HIPK2: variants seen among roughly 807,000 people sequenced by gnomAD.
HIPK2 encodes the protein homeodomain interacting protein kinase 2, also known as homeodomain-interacting protein kinase 2.
A neutral mutation model predicts 113.7 loss-of-function variants in HIPK2; 27 were observed. The observed-to-expected ratio is 0.24, with a 90% CI of 0.17 to 0.33. The LOEUF (loss-of-function observed/expected upper bound fraction) is 0.33. Ranked by LOEUF, HIPK2 falls within the 10% of genes least tolerant of loss-of-function variation. The probability of loss-of-function intolerance (pLI) is 1.00; values close to 1 mark genes in which losing one functional copy is unlikely to be tolerated. For missense variants in HIPK2, 1,257 were observed against 1,588.0 expected, an observed-to-expected ratio of 0.79 and a Z score of 3.54; for synonymous variants, 631 against 642.2, an observed-to-expected ratio of 0.98 and a Z score of 0.26.
chr7:139,607,262 A>G (rs1253247359), intron 9 of HIPK2, among the ~76,000 whole-genome samples: 1 of 152,148 alleles, frequency 6.6e-6, no homozygotes, highest in Non-Finnish European at 1.5e-5. Context: ...CCAACACTCA[A>G]TTAATAAGAA....
At chr7:139,590,313 C>A (rs1381211824) in intron 12 of HIPK2, among the ~76,000 whole-genome samples, 4 of 152,012 alleles carry the variant, frequency 2.6e-5, no homozygotes, top group Non-Finnish European at 5.9e-5. Flanking sequence ...GTTGTCATGG[C>A]AATAGATAAT....
At chr7:139,708,135 G>A (rs1794960738) in intron 2 of HIPK2, among the ~76,000 whole-genome samples, 1 of 151,978 alleles carries the variant, frequency 6.6e-6, no homozygotes, top group African/African-American at 2.4e-5. Flanking sequence ...ACCTCCACAG[G>A]GTCTACACTA....
chr7:139,711,253 C>G lies in HIPK2; in HGVS notation c.1103+4679G>C, dbSNP rs184463098. Among the ~76,000 whole-genome samples the G allele has an allele frequency of 2.6e-5, 4 of 152,122 alleles. No individual in the cohort carries two copies. In the East Asian group the frequency reaches 5.8e-4, roughly 22 times the overall value. ...TCATCCTGGCTAATACAGTGAAACC[C>G]CATCTCTACTAAAAATACAAAAAAA... On this transcript the variant is annotated intron_variant, in intron 2 of 14. Transcript: ENST00000406875.
chr7:139,755,997 C>T (rs1403837071), intron 1 of HIPK2, among the ~76,000 whole-genome samples: 2 of 152,206 alleles, frequency 1.3e-5, no homozygotes, highest in African/African-American at 4.8e-5. Flanking sequence ...CTACCTTCCC[C>T]ATCTCTCAGG....
intron 2 of HIPK2, among the ~76,000 whole-genome samples, chr7:139,669,357 G>A (rs1802178978): frequency 6.6e-6 from 1 of 152,192 alleles, no homozygotes; most frequent in South Asian, 2.1e-4. Flanking sequence ...GGAGATAATT[G>A]TATTGTGACT....
chr7:139,713,278 G>A (rs1795124041), intron 2 of HIPK2, among the ~76,000 whole-genome samples: 1 of 152,162 alleles, frequency 6.6e-6, no homozygotes, highest in Non-Finnish European at 1.5e-5. Context: ...GGAGAGGATC[G>A]CTGTGAGTCC....
chr7:139,742,303 G>A (rs557277302), intron 1 of HIPK2, among the ~76,000 whole-genome samples: 1 of 152,274 alleles, frequency 6.6e-6, no homozygotes, highest in South Asian at 2.1e-4. Context: ...TGAGTGTCCT[G>A]TGAGGTGCTA....
chr7:139,631,770 A>G lies in HIPK2; in HGVS notation c.1104-45T>C. The G allele has an allele frequency of 6.3e-7, 1 of 1,583,598 alleles. No individual in the cohort carries two copies. The highest frequency in any genetic ancestry group is 1.2e-5 in the South Asian group (1 of 86,746). On this transcript the variant is annotated intron_variant, in intron 2 of 14. Coordinates refer to ENST00000406875, the MANE Select transcript of HIPK2 (RefSeq NM_022740.5). This position sits in a 1 kb window ranked among gnomAD's most constrained non-coding sequence, Gnocchi z 4.9. ...GAAACCATTAGCAAGTTGGAAATGC[A>G]GGAAGCTGTTTCTATATGAATACTA...
At chr7:139,707,765 C>T (rs1001242916) in intron 2 of HIPK2, among the ~76,000 whole-genome samples, 1 of 152,258 alleles carries the variant, frequency 6.6e-6, no homozygotes, top group Non-Finnish European at 1.5e-5. Flanking sequence ...AGAGTTACAG[C>T]TCCAAACCCA....
At position 139,573,151 on chromosome 7, in the gene HIPK2, C is replaced by G; in HGVS notation, c.3373G>C (p.Gly1125Arg). 1 of 1,611,140 alleles carries G rather than the reference C, an allele frequency of 6.2e-7. No homozygotes were observed. The highest frequency in any genetic ancestry group is 8.5e-7 in the Non-Finnish European group (1 of 1,179,342). Residue 1125 changes from glycine to arginine, a missense_variant, in exon 15 of 15, where the codon GGC becomes CGC. By Grantham distance (125) the Gly-to-Arg change is moderately radical. Coordinates refer to ENST00000406875, the MANE Select transcript of HIPK2 (RefSeq NM_022740.5). ...TGCTGCACGGTGTGGCGCGCAGAGC[C>G]TTGCGAGGCCACCAGGTGGGCCACG... ...GTVAHLVASQ[G>R]SARHTVQHTA...
intron 1 of HIPK2, among the ~76,000 whole-genome samples, chr7:139,761,771 C>T (rs1165453184): frequency 2.6e-5 from 4 of 152,088 alleles, no homozygotes; most frequent in Admixed American, 2.0e-4. Flanking sequence ...GGAATAGAAA[C>T]AAGGTATTAA....
intron 6 of HIPK2, among the ~76,000 whole-genome samples, chr7:139,623,517 C>CAAAAAAAAAA (rs771370297): frequency 4.0e-5 from 3 of 74,086 alleles, no homozygotes; most frequent in Non-Finnish European, 9.4e-5. Context: ...GACTCTACTT[C>CAAAAAAAAAA]AAAAAAAAAA....
At chr7:139,656,588 T>G (rs983484248) in intron 2 of HIPK2, among the ~76,000 whole-genome samples, 9 of 152,186 alleles carry the variant, frequency 5.9e-5, no homozygotes, top group African/African-American at 2.2e-4. Flanking sequence ...CCTGACTCAC[T>G]TTCATCATCC....
chr7:139,716,363 G>A lies in HIPK2; in HGVS notation c.672C>T (p.Ile224=), dbSNP rs779739779. 8 of 1,614,014 alleles carry A rather than the reference G, an allele frequency of 5.0e-6. No individual in the cohort carries two copies. Among genetic ancestry groups the A allele is most frequent in the African/African-American group, 2.7e-5 (2 of 74,890 alleles). The part of the protein sequence containing the change: ...VKCWKRGTNE[I]VAIKILKNHP... ...GGTTCTTCAGGATCTTGATGGCTAC[G>A]ATCTCATTGGTGCCCCGTTTCCAGC... Residue 224 remains isoleucine, a synonymous_variant, in exon 2 of 15, where the codon ATC becomes ATT. Transcript: ENST00000406875. The surrounding 1 kb of genome is among the most constrained non-coding windows in gnomAD (Gnocchi z 9.3).
chr7:139,606,704 C>G (rs566590820), intron 9 of HIPK2, among the ~76,000 whole-genome samples: 1 of 152,314 alleles, frequency 6.6e-6, no homozygotes, highest in South Asian at 2.1e-4. Flanking sequence ...GAGAAAATAA[C>G]TACAGATATG....
intron 14 of HIPK2, among the ~76,000 whole-genome samples, chr7:139,574,173 C>A (rs1798410354): frequency 6.6e-6 from 1 of 152,028 alleles, no homozygotes; most frequent in African/African-American, 2.4e-5. Flanking sequence ...ACTGTAAAAT[C>A]TTGTTCTCAA....
chr7:139,595,151 G>A (rs906173645), intron 12 of HIPK2, among the ~76,000 whole-genome samples: 2 of 152,326 alleles, frequency 1.3e-5, no homozygotes, highest in South Asian at 4.1e-4. Flanking sequence ...CTAGCTGATT[G>A]TCAGATTTTA....
chr7:139,652,488 C>T (rs1413642502), intron 2 of HIPK2, among the ~76,000 whole-genome samples: 1 of 152,202 alleles, frequency 6.6e-6, no homozygotes, highest in Non-Finnish European at 1.5e-5. Context: ...TCTCAAGAAG[C>T]TTATCATCTC....
chr7:139,586,705 G>C lies in HIPK2; in HGVS notation c.2718-2641C>G, dbSNP rs903600703. On this transcript the variant is annotated intron_variant, in intron 12 of 14. Transcript: ENST00000406875. ...GCCCAGGAGTTTGAGGCTGCAGTGAGCTATGATCACACCACTGCACTCCAG... is the reference window on the plus strand; with the variant it reads ...GCCCAGGAGTTTGAGGCTGCAGTGACCTATGATCACACCACTGCACTCCAG... Among the ~76,000 whole-genome samples the C allele has an allele frequency of 2.0e-5, 3 of 151,898 alleles. No homozygotes were observed. In the South Asian group the frequency reaches 6.2e-4, roughly 32 times the overall value.
Sources: gnomAD v4.1 joint callset for allele counts (sites outside exome capture counted in the v4.1 genomes callset) on GRCh38, gnomAD v4.1.1 for gene constraint, Gnocchi (gnomAD v3.1) non-coding constraint, MANE v1.5 for transcripts, NCBI Gene and HGNC (gene_info 2026-07-23, HGNC 2026-07-21) for gene names.